Variants in CUX2 observed in about 807,000 individuals in gnomAD.
CUX2 encodes the protein cut like homeobox 2.
A neutral mutation model predicts 144.8 loss-of-function variants in CUX2; 40 were observed. The observed-to-expected ratio is 0.28, with a 90% CI of 0.21 to 0.36. The LOEUF is 0.36. CUX2 is among the 10% of genes least tolerant of loss of function. CUX2 has a pLI of 1.00. For synonymous variants in CUX2, 827 were observed against 875.6 expected, an observed-to-expected ratio of 0.94 and a Z score of 0.98; for missense variants, 1,615 against 1,994.0, an observed-to-expected ratio of 0.81 and a Z score of 3.62.
chr12:111,184,701 G>A (rs895052603), intron 1 of CUX2, among the ~76,000 whole-genome samples: 5 of 151,896 alleles, frequency 3.3e-5, no homozygotes, highest in Non-Finnish European at 5.9e-5. Context: ...AGACTGTGGT[G>A]AGCTATGACC....
At chr12:111,311,069 T>C (rs1018118222) in intron 15 of CUX2, among the ~76,000 whole-genome samples, 2 of 152,236 alleles carry the variant, frequency 1.3e-5, no homozygotes, top group Non-Finnish European at 2.9e-5. Context: ...GGGTCCCAGC[T>C]GTGGCCTCAC....
At chr12:111,336,453 T>C (rs1888358496) in intron 19 of CUX2, among the ~76,000 whole-genome samples, 1 of 151,000 alleles carries the variant, frequency 6.6e-6, no homozygotes, top group South Asian at 2.1e-4. Context: ...TGTGTGTGTG[T>C]GTGTGTTTAA....
At chr12:111,228,641 C>T (rs1882303205) in intron 3 of CUX2, among the ~76,000 whole-genome samples, 1 of 152,096 alleles carries the variant, frequency 6.6e-6, no homozygotes, top group Non-Finnish European at 1.5e-5. Context: ...CCAGGCTGGT[C>T]TCGAACTCCT....
At chr12:111,064,079 C>A (rs1870921591) in intron 1 of CUX2, among the ~76,000 whole-genome samples, 1 of 152,182 alleles carries the variant, frequency 6.6e-6, no homozygotes, top group Admixed American at 6.5e-5. Context: ...GGCTTTACCT[C>A]AAAATCAAGG....
intron 3 of CUX2, among the ~76,000 whole-genome samples, chr12:111,248,440 A>G (rs913309230): frequency 4.6e-5 from 7 of 152,072 alleles, no homozygotes; most frequent in Non-Finnish European, 2.9e-5. Context: ...CAGGACTCAC[A>G]TGGAGGTTCG....
chr12:111,342,105 C>A lies in CUX2; in HGVS notation c.3659+52C>A, dbSNP rs774146582. On this transcript the variant is annotated intron_variant, in intron 21 of 21. Coordinates refer to ENST00000261726, the MANE Select transcript of CUX2 (RefSeq NM_015267.4). ...GCGGGTGGCAGAATCCAGGTGGGAC[C>A]CCTTCCCCATCCCAGGGCCTGGAGG... 1.9e-6 allele frequency: 3 copies of A among 1,557,680 alleles called. No homozygotes were observed. The Admixed American group carries it at 5.5e-5, about 29-fold the overall frequency.
At position 111,034,712 on chromosome 12, in the gene CUX2, GGGAGGA is replaced by G. The variant is rs1385155144; in HGVS notation, c.63+483_63+488del. ...GAGGGAGGGAGGGAGCTGGCGGGCA[GGGAGGA>G]GGAGGAGGAGAGGAGGAGGAGGAGG... is the stretch of plus-strand genomic sequence containing the variant. On this transcript the variant is annotated intron_variant, in intron 1 of 21. Transcript: ENST00000261726. This position sits in a 1 kb window ranked among gnomAD's most constrained non-coding sequence, Gnocchi z 4.2. Among the ~76,000 whole-genome samples the G allele has an allele frequency of 6.6e-6, 1 of 151,464 alleles. No homozygotes were observed. Among genetic ancestry groups the G allele is most frequent in the Non-Finnish European group, 1.5e-5 (1 of 67,730 alleles).
At chr12:111,311,594 A>ATTTTT (rs767367160) in intron 15 of CUX2, among the ~76,000 whole-genome samples, 5 of 133,738 alleles carry the variant, frequency 3.7e-5, no homozygotes, top group African/African-American at 1.0e-4. Flanking sequence ...CTATTTCTTT[A>ATTTTT]TTATTATTAT....
At chr12:111,345,735 CAAA>C (rs762939855) in intron 21 of CUX2, among the ~76,000 whole-genome samples, 4 of 51,276 alleles carry the variant, frequency 7.8e-5, no homozygotes, top group East Asian at 5.8e-4. Flanking sequence ...GACTCCGTCT[CAAA>C]AAAAAAAAAA....
In CUX2 at chr12:111,289,324, A is replaced by C. The variant is rs1885558220; in HGVS notation, c.302-2094A>C. Among the ~76,000 whole-genome samples, 1 of 152,136 alleles carries C rather than the reference A, an allele frequency of 6.6e-6. No individual in the cohort carries two copies. Among genetic ancestry groups the C allele is most frequent in the Non-Finnish European group, 1.5e-5 (1 of 68,038 alleles). On this transcript the variant is annotated intron_variant, in intron 4 of 21. Transcript: ENST00000261726. This position sits in a 1 kb window ranked among gnomAD's most constrained non-coding sequence, Gnocchi z 4.1. The stretch of plus-strand genomic sequence containing the variant: ...TAGGACAGGAGGCCTTTGTGATATC[A>C]AAGCAAGAGACCCAGATTCGAGTCT...
At chr12:111,064,271 G>A (rs1870933638) in intron 1 of CUX2, among the ~76,000 whole-genome samples, 1 of 152,134 alleles carries the variant, frequency 6.6e-6, no homozygotes. Context: ...TTTGACTCTG[G>A]GTTCCCTGTT....
intron 4 of CUX2, among the ~76,000 whole-genome samples, chr12:111,282,300 C>T (rs113668610): frequency 3.5e-5 from 5 of 144,196 alleles, no homozygotes; most frequent in East Asian, 2.0e-4. Context: ...CCAGCCTGGG[C>T]GACAGAGCGA....
At chr12:111,248,878 C>A (rs1175426389) in intron 3 of CUX2, among the ~76,000 whole-genome samples, 1 of 152,232 alleles carries the variant, frequency 6.6e-6, no homozygotes. Context: ...TATATATGCA[C>A]ATATTTTCAT....
intron 1 of CUX2, among the ~76,000 whole-genome samples, chr12:111,197,608 G>A (rs1703369263): frequency 6.6e-6 from 1 of 152,232 alleles, no homozygotes; most frequent in African/African-American, 2.4e-5. Context: ...TTGAAAAATA[G>A]CACTGGGTTC....
Position 111,057,653 on chromosome 12 carries a change from C to T in CUX2, c.63+23413C>T, listed in dbSNP as rs1870590577. ...CTTCTGCCAGCAGCCTCCCCTTCTG[C>T]CAGAAAGAGTGACTCCCACCTCAAC... On this transcript the variant is annotated intron_variant, in intron 1 of 21. Transcript: ENST00000261726. This position sits in a 1 kb window ranked among gnomAD's most constrained non-coding sequence, Gnocchi z 5.1. Among the ~76,000 whole-genome samples, 1 of 152,162 alleles carries T rather than the reference C, an allele frequency of 6.6e-6. No individual in the cohort carries two copies. Among genetic ancestry groups the T allele is most frequent in the Non-Finnish European group, 1.5e-5 (1 of 68,036 alleles).
At chr12:111,267,501 T>C (rs539221850) in intron 4 of CUX2, among the ~76,000 whole-genome samples, 2 of 152,212 alleles carry the variant, frequency 1.3e-5, no homozygotes, top group East Asian at 1.9e-4. Context: ...GGTCTCATCA[T>C]GTATAACAAA....
intron 1 of CUX2, among the ~76,000 whole-genome samples, chr12:111,132,349 C>G (rs1173421309): frequency 6.6e-6 from 1 of 152,104 alleles, no homozygotes; most frequent in African/African-American, 2.4e-5. Flanking sequence ...TCCTCCTAGA[C>G]CTCTGGGCCT....
At chr12:111,120,991 T>A (rs1874620372) in intron 1 of CUX2, among the ~76,000 whole-genome samples, 1 of 151,846 alleles carries the variant, frequency 6.6e-6, no homozygotes, top group Non-Finnish European at 1.5e-5. Flanking sequence ...AATTGCTATT[T>A]CCAGATTCCT....
At chr12:111,238,951 T>A (rs1388538709) in intron 3 of CUX2, among the ~76,000 whole-genome samples, 1 of 152,166 alleles carries the variant, frequency 6.6e-6, no homozygotes, top group Non-Finnish European at 1.5e-5. Flanking sequence ...AGGCTGAGGC[T>A]TGAGAATCCC....
Sources: gnomAD v4.1 joint callset for allele counts (sites outside exome capture counted in the v4.1 genomes callset) on GRCh38, gnomAD v4.1.1 for gene constraint, Gnocchi (gnomAD v3.1) non-coding constraint, MANE v1.5 for transcripts, NCBI Gene and HGNC (gene_info 2026-07-23, HGNC 2026-07-21) for gene names.